ITGA11: variants seen among roughly 807,000 people sequenced by gnomAD.
ITGA11 encodes the protein integrin subunit alpha 11.
Under a neutral mutation model 141.9 loss-of-function variants are expected in ITGA11, and 97 were observed. That is an observed-to-expected ratio of 0.68 (90% confidence interval 0.58 to 0.81). The LOEUF is 0.81. ITGA11 is among the 30% of genes least tolerant of loss of function. The probability of loss-of-function intolerance (pLI) is 0.00; values close to 1 mark genes in which losing one functional copy is unlikely to be tolerated. For synonymous variants in ITGA11, 658 were observed against 624.6 expected (o/e 1.05, Z -0.80); for missense variants, 1,387 against 1,559.2 (o/e 0.89, Z 1.86).
chr15:68,346,832 G>A (rs1022399349), intron 10 of ITGA11, among the ~76,000 whole-genome samples: 1 of 152,136 alleles, frequency 6.6e-6, no homozygotes, highest in African/African-American at 2.4e-5. Context: ...TGATCACGTT[G>A]CTTTGGTTAA....
intron 2 of ITGA11, among the ~76,000 whole-genome samples, chr15:68,401,068 A>G (rs538611441): frequency 2.0e-5 from 3 of 146,958 alleles, no homozygotes; most frequent in Non-Finnish European, 3.0e-5. Context: ...GCATTTCACA[A>G]AAGGGGATAC....
intron 10 of ITGA11, among the ~76,000 whole-genome samples, chr15:68,343,804 G>T (rs1894647470): frequency 2.0e-5 from 3 of 152,214 alleles, no homozygotes; most frequent in Admixed American, 6.5e-5. Context: ...TGGAGTCTTA[G>T]AAGGCTTGTT....
chr15:68,373,544 C>G (rs1303650668), intron 2 of ITGA11, among the ~76,000 whole-genome samples: 1 of 152,216 alleles, frequency 6.6e-6, no homozygotes, highest in African/African-American at 2.4e-5. Context: ...TTTCCTCCTT[C>G]CCAACAGTAC....
chr15:68,307,796 G>A lies in ITGA11; in HGVS notation c.3175-100C>T. ...CTGGGGCTCTGCTCCTGGGGGCAGG[G>A]GCAGAGGACAGGGGACAAAGAGAAA... On this transcript the variant is annotated intron_variant, in intron 26 of 29. Coordinates refer to ENST00000315757, the MANE Select transcript of ITGA11 (RefSeq NM_001004439.2). The surrounding 1 kb of genome is among the most constrained non-coding windows in gnomAD (Gnocchi z 6.1). The A allele has an allele frequency of 7.9e-6, 6 of 756,148 alleles. No homozygotes were observed. The highest frequency in any genetic ancestry group is 1.3e-5 in the Non-Finnish European group (6 of 449,812). The allele number at this position is 756,148 out of a possible 1,614,324, so 46.8% of individuals were successfully genotyped here.
chr15:68,386,586 A>G (rs564840121), intron 2 of ITGA11, among the ~76,000 whole-genome samples: 14 of 152,102 alleles, frequency 9.2e-5, no homozygotes, highest in Admixed American at 8.5e-4. Flanking sequence ...AGAAGCTTCT[A>G]TTTCCCATTA....
chr15:68,316,390 C>A (rs929540476), intron 21 of ITGA11, among the ~76,000 whole-genome samples: 1 of 152,256 alleles, frequency 6.6e-6, no homozygotes, highest in Non-Finnish European at 1.5e-5. Context: ...TTTGCACAGA[C>A]CCCTGATGCG....
chr15:68,377,464 G>A (rs1015514073), intron 2 of ITGA11, among the ~76,000 whole-genome samples: 3 of 79,960 alleles, frequency 3.8e-5, no homozygotes, highest in Non-Finnish European at 1.0e-4. Context: ...GTAGAGACAG[G>A]GTTTCACCAT....
At chr15:68,407,335 C>T (rs78646806) in intron 1 of ITGA11, among the ~76,000 whole-genome samples, 4,900 of 152,214 alleles carry the variant, frequency 0.032, 264 homozygotes, top group African/African-American at 0.11. Flanking sequence ...GTGCTGGTTT[C>T]GTCTCCAGAG....
At chr15:68,351,889 CCTGA>C (rs1894922395) in intron 7 of ITGA11, among the ~76,000 whole-genome samples, 1 of 151,996 alleles carries the variant, frequency 6.6e-6, no homozygotes, top group South Asian at 2.1e-4. Context: ...TCGAGACTAG[CCTGA>C]CTAACATGTC....
intron 11 of ITGA11, among the ~76,000 whole-genome samples, chr15:68,336,865 A>T (rs1049815213): frequency 6.6e-6 from 1 of 152,138 alleles, no homozygotes; most frequent in South Asian, 2.1e-4. Context: ...TAGAGTGGCT[A>T]TAGGGTGTAC....
chr15:68,403,175 C>A, intron 1 of ITGA11, 146 bp from the exon 2 acceptor site: 1 of 634,480 alleles, frequency 1.6e-6, no homozygotes, highest in Non-Finnish European at 2.9e-6. Context: ...CTTGGGGAGT[C>A]CCTGTATGAG....
chr15:68,352,007 C>G (rs545860574), intron 7 of ITGA11, among the ~76,000 whole-genome samples: 13 of 151,634 alleles, frequency 8.6e-5, no homozygotes, highest in African/African-American at 3.1e-4. Context: ...TGCTTGAACC[C>G]GGGAGGCGGA....
At position 68,304,263 on chromosome 15, in the gene ITGA11, C is replaced by G. The variant is rs1408039779; in HGVS notation, c.3382-378G>C. ...CCACGGTTCAGTCCTTGCACCTCTT[C>G]TTTTTCTAGAGTCACTTCCTGGGTG... On this transcript the variant is annotated intron_variant, in intron 28 of 29. Coordinates refer to ENST00000315757, the MANE Select transcript of ITGA11 (RefSeq NM_001004439.2). The surrounding 1 kb of genome is among the most constrained non-coding windows in gnomAD (Gnocchi z 6.1). Among the ~76,000 whole-genome samples the G allele has an allele frequency of 1.3e-5, 2 of 152,206 alleles. No homozygotes were observed. The highest frequency in any genetic ancestry group is 3.9e-4 in the East Asian group (2 of 5,188).
intron 1 of ITGA11, among the ~76,000 whole-genome samples, chr15:68,416,625 C>T (rs1896892244): frequency 6.6e-6 from 1 of 152,196 alleles, no homozygotes; most frequent in Admixed American, 6.5e-5. Flanking sequence ...GGATCATCTT[C>T]TTCAAGAACA....
At chr15:68,427,530 G>T (rs564612234) in intron 1 of ITGA11, among the ~76,000 whole-genome samples, 1 of 152,256 alleles carries the variant, frequency 6.6e-6, no homozygotes, top group African/African-American at 2.4e-5. Flanking sequence ...GTGAGAGGCA[G>T]CAGGGAGGGG....
chr15:68,335,523 T>C lies in ITGA11; in HGVS notation c.1425+174A>G, dbSNP rs1003740423. Among the ~76,000 whole-genome samples, 5 of 152,224 alleles carry C rather than the reference T, an allele frequency of 3.3e-5. No homozygotes were observed. The highest frequency in any genetic ancestry group is 1.2e-4 in the African/African-American group (5 of 41,464). ...GGCATCCTGGAGGGCCCATGGGGCC[T>C]TCTGTAGGTGGATGCGCACTCCTGC... On this transcript the variant is annotated intron_variant, in intron 12 of 29. Coordinates refer to ENST00000315757, the MANE Select transcript of ITGA11 (RefSeq NM_001004439.2). The surrounding 1 kb of genome is among the most constrained non-coding windows in gnomAD (Gnocchi z 4.9).
chr15:68,423,589 CAA>C (rs2140439388), intron 1 of ITGA11, among the ~76,000 whole-genome samples: 1 of 152,278 alleles, frequency 6.6e-6, no homozygotes, highest in South Asian at 2.1e-4. Context: ...TTGGCTCTGT[CAA>C]AGAGTCTGGA....
At position 68,337,526 on chromosome 15, in the gene ITGA11, G is replaced by A. The variant is rs528027585; in HGVS notation, c.1277-1681C>T. Among the ~76,000 whole-genome samples, 6 of 152,224 alleles carry A rather than the reference G, an allele frequency of 3.9e-5. No homozygotes were observed. In the South Asian group the frequency reaches 1.2e-3, roughly 32 times the overall value. On this transcript the variant is annotated intron_variant, in intron 11 of 29. Coordinates refer to ENST00000315757, the MANE Select transcript of ITGA11 (RefSeq NM_001004439.2). ...CACTGGATGACTCCTAGACGGAGGA[G>A]GAGGAGGAGAAAAGGCACTCCCTCA... is the stretch of plus-strand genomic sequence containing the variant.
Position 68,303,672 on chromosome 15 carries a change from TG to T in ITGA11, c.3495+99del. On this transcript the variant is annotated intron_variant, in intron 29 of 29. Coordinates refer to ENST00000315757, the MANE Select transcript of ITGA11 (RefSeq NM_001004439.2). This position sits in a 1 kb window ranked among gnomAD's most constrained non-coding sequence, Gnocchi z 5.3. ...GCGAGGGGTGGGGTGCCAGCTCCCC[TG>T]GAGAGGAGAACGTGGCAGCGGCCAC... 1.3e-6 allele frequency: 1 copy of T among 770,172 alleles called. No homozygotes were observed. The highest frequency in any genetic ancestry group is 2.2e-6 in the Non-Finnish European group (1 of 461,552). The allele number at this position is 770,172 out of a possible 1,614,324, so 47.7% of individuals were successfully genotyped here.
Sources: gnomAD v4.1 joint callset for allele counts (sites outside exome capture counted in the v4.1 genomes callset) on GRCh38, gnomAD v4.1.1 for gene constraint, Gnocchi (gnomAD v3.1) non-coding constraint, MANE v1.5 for transcripts, NCBI Gene and HGNC (gene_info 2026-07-23, HGNC 2026-07-21) for gene names.